Variants in MYO1D observed in about 807,000 individuals in gnomAD.
MYO1D encodes unconventional myosin-Id.
MYO1D carries 83 observed loss-of-function variants against 122.0 expected under a neutral mutation model. The ratio of observed to expected loss-of-function variants is 0.68; its 90% CI spans 0.57 to 0.82. The LOEUF (loss-of-function observed/expected upper bound fraction) is 0.82. Ranked by LOEUF, MYO1D falls within the 40% of genes least tolerant of loss-of-function variation. MYO1D has a pLI of 0.00. For synonymous variants in MYO1D, 464 were observed against 446.9 expected (o/e 1.04, Z -0.48); for missense variants, 1,157 against 1,269.5 (o/e 0.91, Z 1.35).
At chr17:32,627,243 T>C (rs2087940426) in intron 20 of MYO1D, among the ~76,000 whole-genome samples, 1 of 152,124 alleles carries the variant, frequency 6.6e-6, no homozygotes, top group African/African-American at 2.4e-5. Flanking sequence ...CTAATAAATA[T>C]AGTTGAAAGG....
intron 1 of MYO1D, among the ~76,000 whole-genome samples, chr17:32,852,560 C>T (rs1186699320): frequency 6.6e-6 from 1 of 152,104 alleles, no homozygotes; most frequent in Non-Finnish European, 1.5e-5. Flanking sequence ...ACTTATAATA[C>T]TAATATGCTA....
rs889802144 is a variant in MYO1D, at chr17:32,876,969, C to A, written c.-97G>T. On this transcript the variant is annotated 5_prime_UTR_variant, in exon 1 of 22. Transcript: ENST00000318217. ...GGGAGGGGCCGGGGCGAGGCCGCGCCGCGAGGCTACGGGGAGGGGGCGCGC... is the reference window on the plus strand; with the variant it reads ...GGGAGGGGCCGGGGCGAGGCCGCGCAGCGAGGCTACGGGGAGGGGGCGCGC... 3.1e-6 allele frequency: 2 copies of A among 637,772 alleles called. 1 individual carries two copies. The highest frequency in any genetic ancestry group is 9.6e-5 in the Admixed American group (2 of 20,884). 39.5% of individuals were successfully genotyped at this position (637,772 alleles called of 1,614,324 possible). A position where few individuals can be genotyped will look rare whatever the true frequency, so the allele number is the denominator to read the frequency against.
rs749966766 is a variant in MYO1D at position 32,780,580 on chromosome 17, T to C, written c.300A>G (p.Ile100Met). The C allele has an allele frequency of 6.2e-7, 1 of 1,613,586 alleles. No individual in the cohort carries two copies. Among genetic ancestry groups the C allele is most frequent in the Non-Finnish European group, 8.5e-7 (1 of 1,179,854 alleles). ...KRRSKDTCIVISGESGAGKTE... is the reference protein window; with the variant it reads ...KRRSKDTCIVMSGESGAGKTE... ...CAGGGGATCCCCTCCAATTACCTGA[T>C]ATCACAATACAAGTGTCTTTTGATC... Residue 100 changes from isoleucine (I) to methionine (M), a missense_variant, in exon 2 of 22, where the codon ATA becomes ATG. Physicochemically the swap from Ile to Met is conservative, Grantham distance 10. Transcript: ENST00000318217.
chr17:32,780,700 T>G lies in MYO1D; in HGVS notation c.180A>C (p.Arg60Ser). Residue 60 changes from arginine to serine, a missense_variant, in exon 2 of 22, where the codon AGA becomes AGC. Coordinates refer to ENST00000318217, the MANE Select transcript of MYO1D (RefSeq NM_015194.3). ...GGCCTTTATACTGCTCAATTGTGTC[T>G]CTTCCATAGATGTTCAACAACTTGT... The part of the protein sequence containing the change: ...NPYKLLNIYG[R>S]DTIEQYKGRE... 1.9e-6 allele frequency: 3 copies of G among 1,614,172 alleles called. No individual in the cohort carries two copies. Among genetic ancestry groups the G allele is most frequent in the Non-Finnish European group, 2.5e-6 (3 of 1,180,022 alleles).
intron 1 of MYO1D, among the ~76,000 whole-genome samples, chr17:32,816,356 C>T (rs1021738425): frequency 6.6e-6 from 1 of 152,034 alleles, no homozygotes; most frequent in Non-Finnish European, 1.5e-5. Flanking sequence ...AAACGCAGGG[C>T]CCAGAAGGAT....
chr17:32,829,269 T>C (rs914368073), intron 1 of MYO1D, among the ~76,000 whole-genome samples: 6 of 152,168 alleles, frequency 3.9e-5, no homozygotes, highest in South Asian at 2.1e-4. Flanking sequence ...TCCCCACCTT[T>C]TGGGACAGAT....
intron 16 of MYO1D, among the ~76,000 whole-genome samples, chr17:32,669,464 T>C (rs917832771): frequency 6.6e-6 from 1 of 152,260 alleles, no homozygotes; most frequent in African/African-American, 2.4e-5. Context: ...TTCTTTAAAA[T>C]GGTATATAAG....
At chr17:32,855,416 A>C (rs867835037) in intron 1 of MYO1D, among the ~76,000 whole-genome samples, 1 of 152,302 alleles carries the variant, frequency 6.6e-6, no homozygotes, top group Middle Eastern at 3.4e-3. Context: ...TATATAAATG[A>C]AAGCATAGAG....
intron 1 of MYO1D, among the ~76,000 whole-genome samples, chr17:32,837,283 CTTTT>C (rs10692549): frequency 7.5e-6 from 1 of 132,720 alleles, no homozygotes; most frequent in Non-Finnish European, 1.6e-5. Flanking sequence ...GGCTGTTTGT[CTTTT>C]TTTTTCTTTT....
chr17:32,783,375 A>T (rs1281566979), intron 1 of MYO1D, among the ~76,000 whole-genome samples: 1 of 152,092 alleles, frequency 6.6e-6, no homozygotes, highest in South Asian at 2.1e-4. Context: ...TTTTCTATTA[A>T]CCTATAGGCA....
intron 16 of MYO1D, among the ~76,000 whole-genome samples, chr17:32,687,567 T>TC (rs546955618): frequency 4.7e-4 from 72 of 152,232 alleles, no homozygotes; most frequent in Admixed American, 9.8e-4. Flanking sequence ...GGTCTTGAAT[T>TC]CCTGGGCTCA....
chr17:32,646,229 C>G (rs1236605251), intron 19 of MYO1D, among the ~76,000 whole-genome samples: 1 of 152,068 alleles, frequency 6.6e-6, no homozygotes, highest in Non-Finnish European at 1.5e-5. Context: ...TTTTTCAGCA[C>G]CTACAAATAT....
At chr17:32,613,415 C>T (rs2087728512) in intron 20 of MYO1D, among the ~76,000 whole-genome samples, 1 of 152,052 alleles carries the variant, frequency 6.6e-6, no homozygotes, top group South Asian at 2.1e-4. Context: ...AAACTGGATG[C>T]AACAAGATAA....
intron 1 of MYO1D, among the ~76,000 whole-genome samples, chr17:32,805,996 C>A (rs59275779): frequency 6.6e-6 from 1 of 152,156 alleles, no homozygotes; most frequent in Non-Finnish European, 1.5e-5. Flanking sequence ...CAGTGGCTCA[C>A]GCCTGTAATC....
At position 32,605,118 on chromosome 17, in the gene MYO1D, G is replaced by T. The variant is rs771745717; in HGVS notation, c.2833C>A (p.Leu945Ile). 12 of 1,602,408 alleles carry T rather than the reference G, an allele frequency of 7.5e-6. No homozygotes were observed. The highest frequency in any genetic ancestry group is 8.5e-6 in the Non-Finnish European group (10 of 1,171,284). ...QPTHESRIGE[L>I]VGVLVNHFKS... ...AAATGATTCACCAGCACTCCAACAA[G>T]TTCTCCAATTCGACTCTCATGGGTT... Residue 945 changes from leucine to isoleucine, a missense_variant, in exon 21 of 22, where the codon CTT becomes ATT. Leu to Ile is a conservative substitution (Grantham distance 5, BLOSUM62 2). Transcript: ENST00000318217.
chr17:32,643,124 T>C (rs990425076), intron 19 of MYO1D, among the ~76,000 whole-genome samples: 2 of 152,234 alleles, frequency 1.3e-5, no homozygotes, highest in African/African-American at 4.8e-5. Context: ...TTAGAGTGTT[T>C]AGCATGAAGC....
chr17:32,548,516 T>C (rs563337557), intron 21 of MYO1D, among the ~76,000 whole-genome samples: 1 of 149,024 alleles, frequency 6.7e-6, no homozygotes, highest in African/African-American at 2.5e-5. Context: ...TAAGAAGGAG[T>C]TAGAGCTAGG....
chr17:32,593,708 C>T (rs1025861066), intron 21 of MYO1D, among the ~76,000 whole-genome samples: 7 of 152,108 alleles, frequency 4.6e-5, no homozygotes, highest in Admixed American at 3.3e-4. Context: ...GAAGTTGAGG[C>T]GGGAGGATCA....
chr17:32,591,651 T>C (rs922827991), intron 21 of MYO1D, among the ~76,000 whole-genome samples: 1 of 149,646 alleles, frequency 6.7e-6, no homozygotes, highest in Non-Finnish European at 1.5e-5. Context: ...ACACAAATCT[T>C]TGGTGATTTC....
Sources: gnomAD v4.1 joint callset for allele counts (sites outside exome capture counted in the v4.1 genomes callset) on GRCh38, gnomAD v4.1.1 for gene constraint, MANE v1.5 for transcripts, NCBI Gene and HGNC (gene_info 2026-07-23, HGNC 2026-07-21) for gene names.